The following WIPF3 variants were observed in gnomAD, a reference collection of about 807,000 sequenced individuals.
WIPF3 encodes the protein WAS/WASL interacting protein family member 3.
In WIPF3, 33 loss-of-function variants were observed where a neutral mutation model predicts 38.9. The observed-to-expected ratio is 0.85, with a 90% CI of 0.64 to 1.14. The LOEUF is 1.14. Among genes scored for constraint, WIPF3 ranks in the 50% most tolerant of loss-of-function variants. The probability of loss-of-function intolerance (pLI) is 0.00; values close to 1 mark genes in which losing one functional copy is unlikely to be tolerated. For missense variants in WIPF3, 711 were observed against 652.5 expected (o/e 1.09, Z -0.98); for synonymous variants, 324 against 269.3 (o/e 1.20, Z -1.99).
intron 2 of WIPF3, among the ~76,000 whole-genome samples, chr7:29,850,635 C>T (rs986336840): frequency 6.6e-6 from 1 of 152,164 alleles, no homozygotes; most frequent in Non-Finnish European, 1.5e-5. Context: ...GAGATTCAGG[C>T]TCACACAGGG....
At chr7:29,858,242 G>A (rs1385520284) in intron 2 of WIPF3, among the ~76,000 whole-genome samples, 1 of 152,184 alleles carries the variant, frequency 6.6e-6, no homozygotes, top group Non-Finnish European at 1.5e-5. Flanking sequence ...TCAGAGTCTT[G>A]TGACTTCCAG....
chr7:29,849,306 G>A (rs1785054133), intron 2 of WIPF3, among the ~76,000 whole-genome samples: 1 of 152,118 alleles, frequency 6.6e-6, no homozygotes, highest in Non-Finnish European at 1.5e-5. Flanking sequence ...TGTGGGACTT[G>A]CCATCATAAT....
intron 1 of WIPF3, among the ~76,000 whole-genome samples, chr7:29,818,724 GCTGTAGGA>G (rs1214515701): frequency 2.6e-5 from 4 of 151,842 alleles, no homozygotes; most frequent in Non-Finnish European, 5.9e-5. Flanking sequence ...TTGACTACTA[GCTGTAGGA>G]TAATGATAAC....
At chr7:29,832,832 G>A (rs779504655) in intron 1 of WIPF3, among the ~76,000 whole-genome samples, 4 of 152,094 alleles carry the variant, frequency 2.6e-5, no homozygotes, top group Admixed American at 6.5e-5. Context: ...TTGCATATAC[G>A]CTGAAAAGAA....
chr7:29,827,428 T>C (rs1784633333), intron 1 of WIPF3, among the ~76,000 whole-genome samples: 2 of 152,216 alleles, frequency 1.3e-5, no homozygotes, highest in African/African-American at 4.8e-5. Flanking sequence ...ATTCTTTTAT[T>C]ATTTTACTTA....
chr7:29,849,124 C>A (rs1316104145), intron 2 of WIPF3, among the ~76,000 whole-genome samples: 1 of 152,062 alleles, frequency 6.6e-6, no homozygotes, highest in African/African-American at 2.4e-5. Flanking sequence ...TATCTCGACC[C>A]CAGCCTAGCC....
intron 1 of WIPF3, among the ~76,000 whole-genome samples, chr7:29,811,841 C>T (rs924111634): frequency 2.6e-5 from 4 of 152,184 alleles, no homozygotes; most frequent in Admixed American, 2.6e-4. Context: ...CAGGGACATT[C>T]TGTATTCTTA....
chr7:29,879,033 G>C lies in WIPF3; in HGVS notation c.248G>C (p.Gly83Ala). The change falls in exon 4 of 9, where the codon GGA becomes GCA. Residue 83 changes from glycine to alanine, a missense_variant. Physicochemically the swap from Gly to Ala is moderately conservative, Grantham distance 60. Coordinates refer to ENST00000242140, the MANE Select transcript of WIPF3 (RefSeq NM_001080529.3). ...IESSKGTNKE[G>A]GGSANTRGAS... Reference sequence around the variant, plus strand: ...GGTTCTAAAGGAACCAACAAAGAAGGAGGAGGTTCTGCAAACACACGAGGC... The same window carrying C: ...GGTTCTAAAGGAACCAACAAAGAAGCAGGAGGTTCTGCAAACACACGAGGC... 6.2e-7 allele frequency: 1 copy of C among 1,602,106 alleles called. No homozygotes were observed. The highest frequency in any genetic ancestry group is 8.5e-7 in the Non-Finnish European group (1 of 1,173,450).
At position 29,817,190 on chromosome 7, in the gene WIPF3, G is replaced by A. The variant is rs549176460; in HGVS notation, c.-58+10512G>A. Among the ~76,000 whole-genome samples the A allele has an allele frequency of 1.3e-3, 196 of 152,052 alleles. 5 individuals are homozygous for A. The South Asian group carries it at 0.039, about 30-fold the overall frequency. ...TAGGCCTATTTGTGTATTTTCTATCGGGTTATTGATTTTTATTGTAGGAAC... is the reference window on the plus strand; with the variant it reads ...TAGGCCTATTTGTGTATTTTCTATCAGGTTATTGATTTTTATTGTAGGAAC... On this transcript the variant is annotated intron_variant, in intron 1 of 8. Transcript: ENST00000242140.
intron 2 of WIPF3, among the ~76,000 whole-genome samples, chr7:29,856,932 G>A (rs1418296275): frequency 1.3e-5 from 2 of 151,956 alleles, no homozygotes; most frequent in African/African-American, 2.4e-5. Flanking sequence ...CTATTTTTTC[G>A]CAAATCACTA....
chr7:29,875,054 G>A lies in WIPF3; in HGVS notation c.91-776G>A, dbSNP rs969149301. On this transcript the variant is annotated intron_variant, in intron 2 of 8. Coordinates refer to ENST00000242140, the MANE Select transcript of WIPF3 (RefSeq NM_001080529.3). ...AGATGAGGGCAAACTCACTTTAAAC[G>A]CACAAGGTCTTGTGAGGACTAATGT... Among the ~76,000 whole-genome samples the A allele has an allele frequency of 1.6e-4, 24 of 152,234 alleles. 1 individual carries two copies. Among genetic ancestry groups the A allele is most frequent in the Admixed American group, 1.1e-3 (17 of 15,290 alleles).
chr7:29,904,627 C>A, intron 8 of WIPF3: 1 of 419,784 alleles, frequency 2.4e-6, no homozygotes, highest in Non-Finnish European at 4.3e-6. Context: ...CTGCAACAAT[C>A]ATGCCAATCA....
chr7:29,869,077 TAGA>T (rs1785446028), intron 2 of WIPF3, among the ~76,000 whole-genome samples: 1 of 151,972 alleles, frequency 6.6e-6, no homozygotes, highest in South Asian at 2.1e-4. Context: ...TTGCCCAGAC[TAGA>T]GTGCAATGGC....
chr7:29,815,415 G>A (rs1345413061), intron 1 of WIPF3, among the ~76,000 whole-genome samples: 1 of 152,226 alleles, frequency 6.6e-6, no homozygotes, highest in Non-Finnish European at 1.5e-5. Context: ...GAAGGCTAAA[G>A]AGTAGCCAGG....
At chr7:29,811,347 A>G (rs1271829644) in intron 1 of WIPF3, among the ~76,000 whole-genome samples, 1 of 152,194 alleles carries the variant, frequency 6.6e-6, no homozygotes. Context: ...TAAAGTGTTC[A>G]AGGAGTTTAC....
At chr7:29,851,583 G>T (rs377416983) in intron 2 of WIPF3, among the ~76,000 whole-genome samples, 2 of 152,206 alleles carry the variant, frequency 1.3e-5, no homozygotes, top group African/African-American at 4.8e-5. Flanking sequence ...GGCTTGGCCT[G>T]TTTGGCTTAG....
At chr7:29,868,980 C>A (rs1390834501) in intron 2 of WIPF3, among the ~76,000 whole-genome samples, 1 of 152,110 alleles carries the variant, frequency 6.6e-6, no homozygotes, top group African/African-American at 2.4e-5. Flanking sequence ...ACATACACCC[C>A]CCAAGCACAA....
chr7:29,825,891 C>G (rs1694663161), intron 1 of WIPF3, among the ~76,000 whole-genome samples: 1 of 152,156 alleles, frequency 6.6e-6, no homozygotes, highest in Non-Finnish European at 1.5e-5. Context: ...AACTTTAATA[C>G]CCAGTTAGGG....
chr7:29,863,677 C>A (rs1287043003), intron 2 of WIPF3, among the ~76,000 whole-genome samples: 1 of 152,180 alleles, frequency 6.6e-6, no homozygotes, highest in Non-Finnish European at 1.5e-5. Flanking sequence ...GACATCTTTC[C>A]TATGTTGAGT....
Sources: allele counts gnomAD v4.1 joint callset (sites outside exome capture counted in the v4.1 genomes callset), GRCh38; gene constraint gnomAD v4.1.1; transcripts MANE v1.5; gene names NCBI Gene and HGNC (gene_info 2026-07-23, HGNC 2026-07-21).